Variants in EXT1 observed in about 807,000 individuals in gnomAD.
EXT1 encodes exostosin glycosyltransferase 1.
Under a neutral mutation model 82.5 loss-of-function variants are expected in EXT1, and 20 were observed. The observed-to-expected ratio is 0.24, with a 90% CI of 0.17 to 0.35. EXT1 has a LOEUF of 0.35. Ranked by LOEUF, EXT1 falls within the 10% of genes least tolerant of loss-of-function variation. The pLI is 1.00. For synonymous variants in EXT1, 348 were observed against 350.8 expected (o/e 0.99, Z 0.09); for missense variants, 757 against 936.5 (o/e 0.81, Z 2.50).
intron 1 of EXT1, among the ~76,000 whole-genome samples, chr8:117,862,761 G>C (rs562269096): frequency 2.1e-5 from 3 of 145,804 alleles, no homozygotes; most frequent in East Asian, 1.9e-4. Flanking sequence ...AATGCTTATG[G>C]GTGGACAGTG....
chr8:117,858,257 G>A (rs114821223), intron 1 of EXT1, among the ~76,000 whole-genome samples: 291 of 152,304 alleles, frequency 1.9e-3, no homozygotes, highest in African/African-American at 6.4e-3. Flanking sequence ...ATCTACTGTA[G>A]GTAAAATGCT....
intron 1 of EXT1, among the ~76,000 whole-genome samples, chr8:117,990,714 A>C (rs1815414014): frequency 6.6e-6 from 1 of 152,184 alleles, no homozygotes; most frequent in African/African-American, 2.4e-5. Flanking sequence ...ATTTGGCAGG[A>C]TCTCTCTTTT....
At chr8:117,856,269 T>TCG (rs1812555250) in intron 1 of EXT1, among the ~76,000 whole-genome samples, 2 of 146,468 alleles carry the variant, frequency 1.4e-5, no homozygotes, top group African/African-American at 2.5e-5. Flanking sequence ...TTTTTTTTTG[T>TCG]GGGGGGACGG....
intron 8 of EXT1, among the ~76,000 whole-genome samples, chr8:117,809,586 G>A (rs978718436): frequency 5.3e-5 from 8 of 151,160 alleles, no homozygotes; most frequent in Non-Finnish European, 8.8e-5. Context: ...GCGGTGAGCC[G>A]AGATGGTGCC....
At chr8:117,873,856 T>C (rs1812920561) in intron 1 of EXT1, among the ~76,000 whole-genome samples, 1 of 152,240 alleles carries the variant, frequency 6.6e-6, no homozygotes, top group South Asian at 2.1e-4. Context: ...TTATCAACAC[T>C]CAAAATAGAT....
chr8:117,834,509 G>A (rs1411055718), intron 3 of EXT1, among the ~76,000 whole-genome samples: 1 of 152,128 alleles, frequency 6.6e-6, no homozygotes, highest in African/African-American at 2.4e-5. Context: ...GGAGGCTGAG[G>A]CAGGAGAATC....
intron 1 of EXT1, among the ~76,000 whole-genome samples, chr8:118,026,894 G>C (rs1816212352): frequency 6.6e-6 from 1 of 152,204 alleles, no homozygotes; most frequent in South Asian, 2.1e-4. Context: ...TCAGGCATCA[G>C]ATTGTCCAAG....
At chr8:118,033,611 T>A (rs1749704005) in intron 1 of EXT1, among the ~76,000 whole-genome samples, 1 of 152,176 alleles carries the variant, frequency 6.6e-6, no homozygotes, top group Admixed American at 6.5e-5. Context: ...CTCAATTAGC[T>A]GGAACTACAG....
chr8:117,822,645 T>C (rs751023097), intron 4 of EXT1, 48 bp from the exon 5 acceptor site: 2 of 1,604,802 alleles, frequency 1.2e-6, no homozygotes, highest in Middle Eastern at 1.8e-4. Context: ...CCTGATGATA[T>C]TTGGAAAGGA....
At position 117,891,951 on chromosome 8, in the gene EXT1, C is replaced by T. The variant is rs553906555; in HGVS notation, c.963-54750G>A. Among the ~76,000 whole-genome samples the T allele has an allele frequency of 8.6e-5, 13 of 152,014 alleles. No homozygotes were observed. In the East Asian group the frequency reaches 2.3e-3, roughly 27 times the overall value. The stretch of plus-strand genomic sequence containing the variant: ...CCTCCTGAGTAGCTGGGATTACAGG[C>T]ACAGGCTACCACACCCGGCTAATTT... On this transcript the variant is annotated intron_variant, in intron 1 of 10. Transcript: ENST00000378204.
At chr8:118,069,011 TACCTACA>T (rs1817039641) in intron 1 of EXT1, among the ~76,000 whole-genome samples, 1 of 152,074 alleles carries the variant, frequency 6.6e-6, no homozygotes, top group Non-Finnish European at 1.5e-5. Flanking sequence ...TCCCCTGGAG[TACCTACA>T]CCCCCTTCTA....
rs536965118 is a variant in EXT1, at chr8:117,828,786, C to T, written c.1284+1444G>A. Among the ~76,000 whole-genome samples the T allele has an allele frequency of 3.9e-4, 59 of 152,168 alleles. 1 individual carries two copies. In the Middle Eastern group the frequency reaches 0.014, roughly 35 times the overall value. On this transcript the variant is annotated intron_variant, in intron 4 of 10. Coordinates refer to ENST00000378204, the MANE Select transcript of EXT1 (RefSeq NM_000127.3). ...AATGGGCCTGGGTCTTAAACAGCCCCTTTTACCCAGTTCCAGGATGAAAAA... is the reference window on the plus strand; with the variant it reads ...AATGGGCCTGGGTCTTAAACAGCCCTTTTTACCCAGTTCCAGGATGAAAAA...
Position 117,799,631 on chromosome 8 carries a change from A to G in EXT1, c.*81T>C, listed in dbSNP as rs895566910. On this transcript the variant is annotated 3_prime_UTR_variant, in exon 11 of 11. Coordinates refer to ENST00000378204, the MANE Select transcript of EXT1 (RefSeq NM_000127.3). ...TAGTTGGCACAATCTGGCTCTGCTG[A>G]TGAGTGGATCTGCACTGGGAAGAGA... is the stretch of plus-strand genomic sequence containing the variant. 8.6e-6 allele frequency: 13 copies of G among 1,517,662 alleles called. No individual in the cohort carries two copies. The highest frequency in any genetic ancestry group is 1.2e-5 in the Non-Finnish European group (13 of 1,093,538). 94.0% of individuals were successfully genotyped at this position (1,517,662 alleles called of 1,614,324 possible).
At chr8:118,075,447 C>T (rs1325942999) in intron 1 of EXT1, among the ~76,000 whole-genome samples, 1 of 152,178 alleles carries the variant, frequency 6.6e-6, no homozygotes, top group African/African-American at 2.4e-5. Flanking sequence ...GGGGACGCTG[C>T]ACCCTACACA....
intron 8 of EXT1, among the ~76,000 whole-genome samples, chr8:117,809,228 T>TATATATATATATATATATATAC (rs1823282244): frequency 7.4e-6 from 1 of 134,528 alleles, no homozygotes; most frequent in Non-Finnish European, 1.6e-5. Context: ...AATATATATA[T>TATATATATATATATATATATAC]ATATATATAT....
chr8:118,021,447 A>G (rs764113395), intron 1 of EXT1, among the ~76,000 whole-genome samples: 5 of 152,228 alleles, frequency 3.3e-5, no homozygotes, highest in Non-Finnish European at 2.9e-5. Flanking sequence ...TTTTGACATT[A>G]GAAATTTATG....
At chr8:117,988,568 G>A (rs1032668771) in intron 1 of EXT1, among the ~76,000 whole-genome samples, 6 of 152,212 alleles carry the variant, frequency 3.9e-5, no homozygotes, top group Admixed American at 3.9e-4. Flanking sequence ...GGAACAGAGA[G>A]GGGTCAGGAT....
At chr8:117,902,219 C>T (rs962073281) in intron 1 of EXT1, among the ~76,000 whole-genome samples, 1 of 151,860 alleles carries the variant, frequency 6.6e-6, no homozygotes, top group African/African-American at 2.4e-5. Context: ...GAAATATCTC[C>T]TGAAGGACCT....
intron 1 of EXT1, among the ~76,000 whole-genome samples, chr8:118,104,968 G>T (rs748119093): frequency 6.6e-6 from 1 of 152,142 alleles, no homozygotes; most frequent in African/African-American, 2.4e-5. Flanking sequence ...TCTTCTCTCC[G>T]TGAAAAGAAC....
Sources: gnomAD v4.1 joint callset for allele counts (sites outside exome capture counted in the v4.1 genomes callset) on GRCh38, gnomAD v4.1.1 for gene constraint, MANE v1.5 for transcripts, NCBI Gene and HGNC (gene_info 2026-07-23, HGNC 2026-07-21) for gene names.